The following NIBAN1 variants were observed in gnomAD, a reference collection of about 807,000 sequenced individuals.
The protein encoded by NIBAN1 is protein Niban 1.
In NIBAN1, 81 loss-of-function variants were observed where a neutral mutation model predicts 75.1. The ratio of observed to expected loss-of-function variants is 1.08; its 90% CI spans 0.90 to 1.30. NIBAN1 has a LOEUF of 1.30. NIBAN1 is among the 50% of genes most tolerant of loss of function. The probability of loss-of-function intolerance (pLI) is 0.00; values close to 1 mark genes in which losing one functional copy is unlikely to be tolerated. For missense variants in NIBAN1, 1,133 were observed against 1,128.1 expected, an observed-to-expected ratio of 1.00 and a Z score of -0.06; for synonymous variants, 436 against 424.8, an observed-to-expected ratio of 1.03 and a Z score of -0.32.
At chr1:184,860,306 A>G (rs1464066068) in intron 5 of NIBAN1, among the ~76,000 whole-genome samples, 1 of 152,102 alleles carries the variant, frequency 6.6e-6, no homozygotes, top group Non-Finnish European at 1.5e-5. Context: ...GGGCAGATCT[A>G]CCTCAAACTT....
At chr1:184,952,656 C>G (rs1368089413) in intron 1 of NIBAN1, among the ~76,000 whole-genome samples, 1 of 152,216 alleles carries the variant, frequency 6.6e-6, no homozygotes, top group Non-Finnish European at 1.5e-5. Context: ...CTTCCCGGGC[C>G]ACATGCAGCC....
intron 13 of NIBAN1, among the ~76,000 whole-genome samples, chr1:184,796,507 C>T (rs1214821058): frequency 6.6e-6 from 1 of 152,226 alleles, no homozygotes; most frequent in East Asian, 1.9e-4. Flanking sequence ...CCAGGCCTTA[C>T]ACTTATCTGC....
intron 5 of NIBAN1, among the ~76,000 whole-genome samples, chr1:184,843,169 A>G (rs1044985940): frequency 3.9e-5 from 6 of 152,138 alleles, no homozygotes; most frequent in Non-Finnish European, 8.8e-5. Context: ...AAACAACTAG[A>G]ACTCTACCCA....
chr1:184,892,079 A>G (rs967210278), intron 3 of NIBAN1, among the ~76,000 whole-genome samples: 8 of 152,230 alleles, frequency 5.3e-5, no homozygotes, highest in African/African-American at 1.9e-4. Context: ...TTCAAAATGA[A>G]ACCTCAGTTA....
chr1:184,813,321 A>G (rs1654436305), intron 9 of NIBAN1, among the ~76,000 whole-genome samples: 1 of 152,248 alleles, frequency 6.6e-6, no homozygotes, highest in Admixed American at 6.5e-5. Context: ...AATAAAAACT[A>G]TAATACCTTT....
chr1:184,958,373 C>T (rs1658543499), intron 1 of NIBAN1, among the ~76,000 whole-genome samples: 1 of 138,376 alleles, frequency 7.2e-6, no homozygotes. Context: ...GTCACACACA[C>T]ACACACACAC....
intron 12 of NIBAN1, among the ~76,000 whole-genome samples, chr1:184,801,127 A>G (rs994077088): frequency 6.6e-6 from 1 of 152,104 alleles, no homozygotes; most frequent in African/African-American, 2.4e-5. Flanking sequence ...TGGCTCTTAG[A>G]GAATCAGGGA....
intron 1 of NIBAN1, among the ~76,000 whole-genome samples, chr1:184,946,821 T>C (rs1184759186): frequency 1.3e-5 from 2 of 152,102 alleles, no homozygotes; most frequent in Non-Finnish European, 2.9e-5. Flanking sequence ...AACAAAGAAA[T>C]GCATTGTTTC....
chr1:184,876,542 G>T (rs544825673), intron 5 of NIBAN1, among the ~76,000 whole-genome samples: 3 of 151,512 alleles, frequency 2.0e-5, no homozygotes, highest in Non-Finnish European at 4.4e-5. Flanking sequence ...TTCTAAAAAT[G>T]CAAAAAAAAT....
rs200932673 is a variant in NIBAN1 at position 184,930,997 on chromosome 1, C to CTTTTTTTTTTTTTTTTT, written c.56-31705_56-31689dup. 1.7e-5 allele frequency among the ~76,000 whole-genome samples: 2 copies of CTTTTTTTTTTTTTTTTT among 114,556 alleles called. 1 individual carries two copies. The allele number at this position is 114,556 out of a possible 152,430, so 75.2% of individuals were successfully genotyped here. A position where few individuals can be genotyped will look rare whatever the true frequency, so the allele number is the denominator to read the frequency against. On this transcript the variant is annotated intron_variant, in intron 1 of 13. Coordinates refer to ENST00000367511, the MANE Select transcript of NIBAN1 (RefSeq NM_052966.4). ...GTTTCTAAGTGCACTTTTTCTTCTTCTTTTTTTTTTTTTTTTTTTTGAGAC... is the reference window on the plus strand; with the variant it reads ...GTTTCTAAGTGCACTTTTTCTTCTTCTTTTTTTTTTTTTTTTTTTTTTTTTTTTTTTTTTTTTGAGAC...
At chr1:184,960,643 G>GTTGTTGTTGTTGTTGTTGTTC (rs1398868617) in intron 1 of NIBAN1, among the ~76,000 whole-genome samples, 1 of 54,310 alleles carries the variant, frequency 1.8e-5, no homozygotes, top group South Asian at 4.5e-4. Flanking sequence ...TGTTGTTGTT[G>GTTGTTGTTGTTGTTGTTGTTC]TTGAGACGGA....
rs1571460874 is a variant in NIBAN1 at position 184,793,057 on chromosome 1, C to G, written c.*1920G>C. ...TTAAACACGCCAAGAAAAGTTGCAACAATTAAATATGATATTATACATATA... is the reference window on the plus strand; with the variant it reads ...TTAAACACGCCAAGAAAAGTTGCAAGAATTAAATATGATATTATACATATA... On this transcript the variant is annotated 3_prime_UTR_variant, in exon 14 of 14. Transcript: ENST00000367511. The G allele has an allele frequency of 6.6e-6, 1 of 152,036 alleles. No homozygotes were observed. The highest frequency in any genetic ancestry group is 2.1e-4 in the South Asian group (1 of 4,820). The allele number at this position is 152,036 out of a possible 1,614,324, so 9.4% of individuals were successfully genotyped here.
rs750370862 is a variant in NIBAN1 at position 184,795,200 on chromosome 1, T to C, written c.2564A>G (p.Glu855Gly). ...TLGSDPICLS[E>G]SQVSEEQEEM... ...TTCTTGTTCCTCAGAAACCTGGCTC[T>C]CACTGAGGCAGATGGGGTCAGAACC... The change falls in exon 14 of 14, where the codon GAG (glutamate) becomes GGG (glycine). Residue 855 changes from glutamate (E) to glycine (G), a missense_variant. Coordinates refer to ENST00000367511, the MANE Select transcript of NIBAN1 (RefSeq NM_052966.4). 2 of 1,614,174 alleles carry C rather than the reference T, an allele frequency of 1.2e-6. No homozygotes were observed. Among genetic ancestry groups the C allele is most frequent in the Non-Finnish European group, 1.7e-6 (2 of 1,180,050 alleles).
chr1:184,967,416 A>G (rs1025073346), intron 1 of NIBAN1, among the ~76,000 whole-genome samples: 6 of 152,048 alleles, frequency 3.9e-5, no homozygotes, highest in African/African-American at 1.4e-4. Flanking sequence ...TCTTAGAGTT[A>G]CCCAGCTATA....
At position 184,827,951 on chromosome 1, in the gene NIBAN1, TTG is replaced by T. The variant is rs1654887941; in HGVS notation, c.717+3894_717+3895del. Among the ~76,000 whole-genome samples the T allele has an allele frequency of 4.6e-5, 7 of 150,780 alleles. No homozygotes were observed. In the South Asian group the frequency reaches 1.5e-3, roughly 31 times the overall value. ...ACAAGGCCTAAAAATGCGGGTAGTT[TTG>T]TTTTTTGTTTTTTTTTTTTTTTTCC... is the stretch of plus-strand genomic sequence containing the variant. On this transcript the variant is annotated intron_variant, in intron 6 of 13. Transcript: ENST00000367511.
chr1:184,814,889 T>C (rs752752937), intron 9 of NIBAN1, among the ~76,000 whole-genome samples: 17 of 152,224 alleles, frequency 1.1e-4, no homozygotes, highest in Non-Finnish European at 1.9e-4. Context: ...CATGGACTCA[T>C]GAAGAACTAG....
At chr1:184,887,139 A>C (rs1338111300) in intron 4 of NIBAN1, among the ~76,000 whole-genome samples, 1 of 152,066 alleles carries the variant, frequency 6.6e-6, no homozygotes, top group East Asian at 1.9e-4. Context: ...TCAGTCAATC[A>C]ATCAATCCGT....
intron 1 of NIBAN1, among the ~76,000 whole-genome samples, chr1:184,954,910 ATCT>A (rs1658444564): frequency 1.3e-5 from 2 of 152,200 alleles, no homozygotes; most frequent in African/African-American, 4.8e-5. Context: ...AGCTCTATGA[ATCT>A]TCTATGAATC....
chr1:184,884,698 T>C lies in NIBAN1; in HGVS notation c.536A>G (p.His179Arg). The change falls in exon 5 of 14, where the codon CAC (histidine) becomes CGC (arginine). Residue 179 changes from histidine to arginine, a missense_variant. His to Arg is a conservative substitution (Grantham distance 29). Coordinates refer to ENST00000367511, the MANE Select transcript of NIBAN1 (RefSeq NM_052966.4). ...AAACCTCTTCTGGTCAGCAGCCTCGTGGAAGCAGAAGTAGCCGTGTCTGAA... is the reference window on the plus strand; with the variant it reads ...AAACCTCTTCTGGTCAGCAGCCTCGCGGAAGCAGAAGTAGCCGTGTCTGAA... ...PFFRHGYFCF[H>R]EAADQKRFSA... 4.3e-6 allele frequency: 7 copies of C among 1,614,168 alleles called. No individual in the cohort carries two copies. Among genetic ancestry groups the C allele is most frequent in the Non-Finnish European group, 5.9e-6 (7 of 1,180,002 alleles).
Sources: allele counts gnomAD v4.1 joint callset (sites outside exome capture counted in the v4.1 genomes callset), GRCh38; gene constraint gnomAD v4.1.1; transcripts MANE v1.5; gene names NCBI Gene and HGNC (gene_info 2026-07-23, HGNC 2026-07-21).